The following PDE4D variants were observed in gnomAD, a reference collection of about 807,000 sequenced individuals.
The protein encoded by PDE4D is 3',5'-cyclic-AMP phosphodiesterase 4D.
A neutral mutation model predicts 87.4 loss-of-function variants in PDE4D; 24 were observed. The ratio of observed to expected loss-of-function variants is 0.27; its 90% CI spans 0.20 to 0.39. PDE4D has a LOEUF of 0.39. PDE4D is among the 10% of genes least tolerant of loss of function. The pLI is 1.00. For missense variants in PDE4D, 714 were observed against 1,041.0 expected (o/e 0.69, Z 4.32); for synonymous variants, 384 against 383.2 (o/e 1.00, Z -0.02).
intron 1 of PDE4D, among the ~76,000 whole-genome samples, chr5:59,788,508 C>T (rs916930063): frequency 3.3e-5 from 5 of 152,202 alleles, no homozygotes; most frequent in African/African-American, 1.2e-4. Flanking sequence ...GTATCAGGAA[C>T]AAAGTGAGAA....
At chr5:59,067,029 T>G (rs200950609) in intron 5 of PDE4D, among the ~76,000 whole-genome samples, 6 of 130,238 alleles carry the variant, frequency 4.6e-5, no homozygotes, top group African/African-American at 5.6e-5. Flanking sequence ...TATTTATTTA[T>G]TTAGAGAGAG....
intron 1 of PDE4D, among the ~76,000 whole-genome samples, chr5:60,346,481 A>T (rs1281096954): frequency 6.6e-6 from 1 of 152,210 alleles, no homozygotes; most frequent in Admixed American, 6.5e-5. Flanking sequence ...TCTTACAAAA[A>T]TGACAGGAAA....
Position 59,492,178 on chromosome 5 carries a change from G to C in PDE4D, c.456-276210C>G, listed in dbSNP as rs569879075. Among the ~76,000 whole-genome samples, 4 of 152,230 alleles carry C rather than the reference G, an allele frequency of 2.6e-5. No homozygotes were observed. In the South Asian group the frequency reaches 8.3e-4, roughly 32 times the overall value. On this transcript the variant is annotated intron_variant, in intron 1 of 14. Coordinates refer to ENST00000340635, the MANE Select transcript of PDE4D (RefSeq NM_001104631.2). ...ACCTCTTTCTTCCTTGAATGCCCATGAAAACCTTGAATACAAGTATCCATG... is the reference window on the plus strand; with the variant it reads ...ACCTCTTTCTTCCTTGAATGCCCATCAAAACCTTGAATACAAGTATCCATG...
At chr5:59,741,585 C>G (rs552747441) in intron 1 of PDE4D, among the ~76,000 whole-genome samples, 1 of 152,240 alleles carries the variant, frequency 6.6e-6, no homozygotes, top group African/African-American at 2.4e-5. Flanking sequence ...CACGTATTTT[C>G]TTCCACAAAA....
chr5:58,976,816 G>GA (rs1002095642), intron 12 of PDE4D, among the ~76,000 whole-genome samples: 1 of 152,106 alleles, frequency 6.6e-6, no homozygotes, highest in Non-Finnish European at 1.5e-5. Context: ...AAGATGCATA[G>GA]AAAAAAGAGT....
chr5:60,269,898 T>C (rs1011567968), intron 1 of PDE4D, among the ~76,000 whole-genome samples: 1 of 152,206 alleles, frequency 6.6e-6, no homozygotes, highest in African/African-American at 2.4e-5. Flanking sequence ...ATTTATCTTA[T>C]GATAGTACAG....
chr5:59,038,026 C>T (rs1041856146), intron 6 of PDE4D, among the ~76,000 whole-genome samples: 1 of 152,208 alleles, frequency 6.6e-6, no homozygotes. Flanking sequence ...ATACGACATG[C>T]ACAGGCAAAT....
intron 1 of PDE4D, among the ~76,000 whole-genome samples, chr5:59,814,436 T>C (rs1768744945): frequency 6.6e-6 from 1 of 152,202 alleles, no homozygotes; most frequent in South Asian, 2.1e-4. Context: ...CTTCGATATG[T>C]GTCCAGCCAG....
intron 1 of PDE4D, among the ~76,000 whole-genome samples, chr5:59,512,631 G>T (rs923179625): frequency 1.3e-5 from 2 of 152,036 alleles, no homozygotes; most frequent in Admixed American, 6.6e-5. Flanking sequence ...CAGATGTAGG[G>T]TTCATCTTTA....
At chr5:59,450,928 G>C (rs1277577282) in intron 1 of PDE4D, among the ~76,000 whole-genome samples, 1 of 147,948 alleles carries the variant, frequency 6.8e-6, no homozygotes, top group Non-Finnish European at 1.5e-5. Flanking sequence ...ATTTTTCACT[G>C]TACAAAATAA....
intron 1 of PDE4D, among the ~76,000 whole-genome samples, chr5:59,577,549 T>C (rs951883673): frequency 1.3e-5 from 2 of 152,142 alleles, no homozygotes; most frequent in African/African-American, 4.8e-5. Context: ...ACCTTCTCAT[T>C]TTCATATTTA....
At chr5:59,566,569 TGTGTGTGTGTGTGTGAGAGAATGA>T (rs1820938814) in intron 1 of PDE4D, among the ~76,000 whole-genome samples, 1 of 145,804 alleles carries the variant, frequency 6.9e-6, no homozygotes, top group African/African-American at 2.7e-5. Flanking sequence ...TGTGTGTGTG[TGTGTGTGTGTGTGTGAGAGAATGA>T]GAGAGAGAGA....
At chr5:59,339,226 T>C (rs1488074761) in intron 1 of PDE4D, among the ~76,000 whole-genome samples, 3 of 152,260 alleles carry the variant, frequency 2.0e-5, no homozygotes, top group Non-Finnish European at 2.9e-5. Flanking sequence ...TTTTAAATTC[T>C]AGTTTTGCTT....
chr5:60,280,313 C>CAA (rs1554197871), intron 1 of PDE4D, among the ~76,000 whole-genome samples: 1 of 121,712 alleles, frequency 8.2e-6, no homozygotes, highest in Non-Finnish European at 1.8e-5. Context: ...TATATACATA[C>CAA]ATATATATAT....
intron 5 of PDE4D, among the ~76,000 whole-genome samples, chr5:59,094,284 C>T (rs1769292915): frequency 7.7e-6 from 1 of 129,988 alleles, no homozygotes; most frequent in Non-Finnish European, 1.6e-5. Flanking sequence ...TAAATCATGA[C>T]CAAAATAAAC....
intron 2 of PDE4D, among the ~76,000 whole-genome samples, chr5:60,048,483 T>C (rs1433064350): frequency 1.3e-5 from 2 of 152,216 alleles, no homozygotes; most frequent in African/African-American, 2.4e-5. Flanking sequence ...CATTTTGGCA[T>C]GATTTTGCAG....
chr5:58,991,023 G>A (rs1747795227), intron 8 of PDE4D, 121 bp from the exon 9 acceptor site: 2 of 617,750 alleles, frequency 3.2e-6, no homozygotes, highest in East Asian at 2.8e-5. Flanking sequence ...GCTCAAGCCT[G>A]TAATCCCAGA....
intron 1 of PDE4D, among the ~76,000 whole-genome samples, chr5:59,256,059 G>A (rs1413092918): frequency 2.0e-5 from 3 of 152,028 alleles, no homozygotes; most frequent in African/African-American, 7.2e-5. Context: ...TAGAGTAAAT[G>A]TTAAAAAATG....
At chr5:59,193,427 T>C in intron 3 of PDE4D, 73 bp downstream of exon 3, 1 of 1,294,150 alleles carries the variant, frequency 7.7e-7, no homozygotes. Context: ...ATTAAATTAA[T>C]AACCCGAACT....
Sources: gnomAD v4.1 joint callset for allele counts (sites outside exome capture counted in the v4.1 genomes callset) on GRCh38, gnomAD v4.1.1 for gene constraint, MANE v1.5 for transcripts, NCBI Gene and HGNC (gene_info 2026-07-23, HGNC 2026-07-21) for gene names.